The following DENND5A variants were observed in gnomAD, a reference collection of about 807,000 sequenced individuals.
DENND5A encodes the protein DENN domain-containing protein 5A.
A neutral mutation model predicts 140.3 loss-of-function variants in DENND5A; 64 were observed. The ratio of observed to expected loss-of-function variants is 0.46; its 90% CI spans 0.37 to 0.56. DENND5A has a LOEUF of 0.56. Among genes scored for constraint, DENND5A ranks in the 20% least tolerant of loss-of-function variants. The pLI is 0.00. For missense variants in DENND5A, 1,292 were observed against 1,593.8 expected, an observed-to-expected ratio of 0.81 and a Z score of 3.22; for synonymous variants, 605 against 607.7, an observed-to-expected ratio of 1.00 and a Z score of 0.07.
chr11:9,223,338 A>G (rs1850394195), intron 1 of DENND5A, among the ~76,000 whole-genome samples: 1 of 152,038 alleles, frequency 6.6e-6, no homozygotes, highest in African/African-American at 2.4e-5. Context: ...CAGGAGTTTA[A>G]GACCAGCCTG....
intron 21 of DENND5A, 22 bp from the exon 22 acceptor site, chr11:9,142,130 G>C (rs772501515): frequency 1.3e-6 from 2 of 1,555,702 alleles, no homozygotes; most frequent in Admixed American, 3.7e-5. Context: ...AGAAAAGCTT[G>C]CCAGTGAAAA....
chr11:9,243,859 C>A (rs1851350979), intron 1 of DENND5A, among the ~76,000 whole-genome samples: 3 of 152,140 alleles, frequency 2.0e-5, no homozygotes, highest in African/African-American at 7.2e-5. Flanking sequence ...GCACTCCAGC[C>A]TGGGCGACAG....
intron 1 of DENND5A, among the ~76,000 whole-genome samples, chr11:9,212,628 T>A (rs190957283): frequency 6.7e-6 from 1 of 149,882 alleles, no homozygotes; most frequent in Non-Finnish European, 1.5e-5. Context: ...ACAACACAAG[T>A]ACTGAAAAAA....
intron 1 of DENND5A, among the ~76,000 whole-genome samples, chr11:9,239,642 T>C (rs923140483): frequency 3.9e-5 from 6 of 152,106 alleles, no homozygotes; most frequent in Non-Finnish European, 7.4e-5. Context: ...TTTCATTTTT[T>C]GTAGAGACGA....
chr11:9,207,039 A>G (rs1336277167), intron 2 of DENND5A: 6 of 496,884 alleles, frequency 1.2e-5, no homozygotes, highest in African/African-American at 2.0e-5. Flanking sequence ...ACTCAAACCC[A>G]ATGGTTAATT....
At chr11:9,192,561 G>A (rs1849169160) in intron 5 of DENND5A, among the ~76,000 whole-genome samples, 1 of 151,818 alleles carries the variant, frequency 6.6e-6, no homozygotes, top group African/African-American at 2.4e-5. Context: ...CTGGAAGGCA[G>A]AGGTTGCAGT....
intron 1 of DENND5A, among the ~76,000 whole-genome samples, chr11:9,210,734 G>C (rs373883218): frequency 2.6e-5 from 4 of 152,240 alleles, no homozygotes; most frequent in South Asian, 4.1e-4. Flanking sequence ...GGTCTAGCTA[G>C]GTTGCCCAGG....
chr11:9,148,780 G>A (rs1479028800), intron 15 of DENND5A, among the ~76,000 whole-genome samples: 2 of 152,200 alleles, frequency 1.3e-5, no homozygotes, highest in Non-Finnish European at 2.9e-5. Flanking sequence ...TAGAATATCA[G>A]AATGGAAATA....
intron 5 of DENND5A, among the ~76,000 whole-genome samples, chr11:9,190,696 G>A (rs1357000380): frequency 1.3e-5 from 2 of 152,144 alleles, no homozygotes; most frequent in African/African-American, 4.8e-5. Flanking sequence ...TTCTAAGACT[G>A]TAGTTAAAAG....
At chr11:9,185,981 A>G (rs1006364600) in intron 5 of DENND5A, among the ~76,000 whole-genome samples, 3 of 151,986 alleles carry the variant, frequency 2.0e-5, no homozygotes, top group Admixed American at 6.6e-5. Context: ...AAAATAAAAA[A>G]GAAGACACTG....
chr11:9,181,064 G>A lies in DENND5A; in HGVS notation c.1158C>T (p.Asp386=), dbSNP rs776008207. 2 of 1,614,048 alleles carry A rather than the reference G, an allele frequency of 1.2e-6. No individual in the cohort carries two copies. Among genetic ancestry groups the A allele is most frequent in the South Asian group, 2.2e-5 (2 of 91,066 alleles). The change falls in exon 6 of 23, where the codon GAC becomes GAT. Residue 386 remains aspartate, a synonymous_variant. Transcript: ENST00000328194. ...GCAACTCAATGAAGTGGTTGTCAATGTCCACAAAGCAGAGGTTAGCCTGGA... is the reference window on the plus strand; with the variant it reads ...GCAACTCAATGAAGTGGTTGTCAATATCCACAAAGCAGAGGTTAGCCTGGA... ...LPQEANLCFV[D]IDNHFIELPE...
intron 1 of DENND5A, among the ~76,000 whole-genome samples, chr11:9,246,139 G>C (rs955988083): frequency 2.0e-5 from 3 of 152,160 alleles, no homozygotes; most frequent in African/African-American, 7.2e-5. Flanking sequence ...AGCCCTAGAA[G>C]TGACTGAGCA....
chr11:9,208,642 G>T (rs767137045), intron 1 of DENND5A, among the ~76,000 whole-genome samples: 2 of 152,178 alleles, frequency 1.3e-5, no homozygotes, highest in African/African-American at 4.8e-5. Context: ...TCCATCATCA[G>T]AAGCAGCAGC....
intron 1 of DENND5A, among the ~76,000 whole-genome samples, chr11:9,236,698 A>G (rs1851017991): frequency 6.6e-6 from 1 of 151,680 alleles, no homozygotes; most frequent in Non-Finnish European, 1.5e-5. Flanking sequence ...CCTGGGCAAC[A>G]AAGCAAGACC....
At chr11:9,150,881 C>T in intron 13 of DENND5A, 117 bp from the exon 14 acceptor site, 1 of 537,078 alleles carries the variant, frequency 1.9e-6, no homozygotes, top group South Asian at 3.1e-5. Context: ...ACTGGTAACA[C>T]TTTAATTGAT....
At chr11:9,170,355 C>G (rs1465849743) in intron 9 of DENND5A, 35 of 897,200 alleles carry the variant, frequency 3.9e-5, no homozygotes, top group Non-Finnish European at 4.5e-5. Context: ...TGAATGGGAT[C>G]CAGGCATGAG....
chr11:9,194,503 A>T (rs1849249480), intron 4 of DENND5A, among the ~76,000 whole-genome samples: 1 of 151,212 alleles, frequency 6.6e-6, no homozygotes. Context: ...TGGGAGGCAG[A>T]GGTTGCAGTG....
At chr11:9,176,380 A>G (rs1204936548) in intron 8 of DENND5A, among the ~76,000 whole-genome samples, 1 of 152,226 alleles carries the variant, frequency 6.6e-6, no homozygotes, top group Non-Finnish European at 1.5e-5. Context: ...AAAATGCCTT[A>G]ACAAGGACAC....
Position 9,264,718 on chromosome 11 carries a change from C to G in DENND5A, c.109+243G>C, listed in dbSNP as rs1852364530. On this transcript the variant is annotated intron_variant, in intron 1 of 22. Transcript: ENST00000328194. ...AAACTGAGAACACACAACCCTCCCT[C>G]TTTCTGGTCGCCGAAGACGTGGCCA... 2.6e-5 allele frequency among the ~76,000 whole-genome samples: 4 copies of G among 152,316 alleles called. 1 individual carries two copies. The South Asian group carries it at 8.3e-4, about 32-fold the overall frequency.
Sources: allele counts gnomAD v4.1 joint callset (sites outside exome capture counted in the v4.1 genomes callset), GRCh38; gene constraint gnomAD v4.1.1; transcripts MANE v1.5; gene names NCBI Gene and HGNC (gene_info 2026-07-23, HGNC 2026-07-21).